The following ARFGAP1 variants were observed in gnomAD, a reference collection of about 807,000 sequenced individuals.
ARFGAP1 encodes the protein ARF GTPase activating protein 1.
A neutral mutation model predicts 54.0 loss-of-function variants in ARFGAP1; 26 were observed. The ratio of observed to expected loss-of-function variants is 0.48; its 90% CI spans 0.35 to 0.67. ARFGAP1 has a LOEUF of 0.67. ARFGAP1 is among the 30% of genes least tolerant of loss of function. The pLI, the probability that ARFGAP1 is intolerant of heterozygous loss-of-function variation, is 0.00. For missense variants in ARFGAP1, 525 were observed against 535.8 expected, an observed-to-expected ratio of 0.98 and a Z score of 0.20; for synonymous variants, 248 against 211.9, an observed-to-expected ratio of 1.17 and a Z score of -1.48.
chr20:63,284,478 G>A (rs1013959410), intron 9 of ARFGAP1: 3 of 1,107,702 alleles, frequency 2.7e-6, no homozygotes, highest in East Asian at 6.5e-5. Context: ...GGGGGGACTC[G>A]GTGCCTGCCT....
intron 5 of ARFGAP1, 24 bp from the exon 6 acceptor site, chr20:63,278,093 C>T (rs775990554): frequency 3.7e-6 from 6 of 1,612,364 alleles, no homozygotes; most frequent in Non-Finnish European, 5.1e-6. Context: ...TTTGGCCTTA[C>T]CAGCCTTCGA....
intron 12 of ARFGAP1, among the ~76,000 whole-genome samples, chr20:63,287,281 T>A (rs2067583305): frequency 6.6e-6 from 1 of 152,242 alleles, no homozygotes. Flanking sequence ...AAACCACTGT[T>A]TTATTGCAGC....
chr20:63,285,346 C>T (rs907210582), intron 10 of ARFGAP1: 10 of 515,030 alleles, frequency 1.9e-5, no homozygotes, highest in South Asian at 8.9e-5. Flanking sequence ...CTGCCTCCTT[C>T]GGGGCCTGAC....
chr20:63,285,967 C>G, intron 11 of ARFGAP1: 1 of 1,509,518 alleles, frequency 6.6e-7, no homozygotes, highest in South Asian at 1.3e-5. Context: ...TGGCCTTTTC[C>G]TCGGTAAGTA....
At position 63,287,903 on chromosome 20, in the gene ARFGAP1, C is replaced by G; in HGVS notation, c.*30C>G. 8.1e-6 allele frequency: 12 copies of G among 1,476,082 alleles called. No homozygotes were observed. The highest frequency in any genetic ancestry group is 1.1e-5 in the Non-Finnish European group (12 of 1,113,396). 91.4% of individuals were successfully genotyped at this position (1,476,082 alleles called of 1,614,324 possible). A position where few individuals can be genotyped will look rare whatever the true frequency, so the allele number is the denominator to read the frequency against. ...CACTGCGCCCCCGTCCCCAGCGCCC[C>G]CGGGCGACTTCGTGTTTGCACTCTG... On this transcript the variant is annotated 3_prime_UTR_variant, in exon 13 of 13. Coordinates refer to ENST00000370283, the MANE Select transcript of ARFGAP1 (RefSeq NM_018209.4).
chr20:63,278,783 G>T, intron 6 of ARFGAP1, 116 bp from the exon 7 acceptor site: 1 of 868,322 alleles, frequency 1.2e-6, no homozygotes, highest in East Asian at 2.5e-5. Context: ...TCCTGTGCGT[G>T]GGGACGTTGG....
intron 9 of ARFGAP1, chr20:63,284,469 G>T: frequency 1.8e-6 from 2 of 1,110,396 alleles, no homozygotes; most frequent in South Asian, 5.1e-5. Context: ...TTCCCTCCAG[G>T]GGGGACTCGG....
rs1323028217 is a variant in ARFGAP1 at position 63,276,997 on chromosome 20, C to G, written c.343-208C>G. 2.0e-5 allele frequency among the ~76,000 whole-genome samples: 3 copies of G among 152,168 alleles called. No individual in the cohort carries two copies. Among genetic ancestry groups the G allele is most frequent in the Non-Finnish European group, 4.4e-5 (3 of 68,028 alleles). ...TGGAGCTGCACCAACTAGGAGCTCC[C>G]CAGCACTGTTGTTCATTGTAAAGTG... is the stretch of plus-strand genomic sequence containing the variant. On this transcript the variant is annotated intron_variant, in intron 4 of 12. Coordinates refer to ENST00000370283, the MANE Select transcript of ARFGAP1 (RefSeq NM_018209.4). The surrounding 1 kb of genome is among the most constrained non-coding windows in gnomAD (Gnocchi z 5.2).
intron 9 of ARFGAP1, chr20:63,283,910 C>T (rs2067453375): frequency 6.2e-7 from 1 of 1,612,168 alleles, no homozygotes; most frequent in Non-Finnish European, 8.5e-7. Flanking sequence ...GTGCATGCCG[C>T]CCGCATCTCC....
chr20:63,286,547 G>A, intron 12 of ARFGAP1, 105 bp downstream of exon 12: 1 of 1,174,412 alleles, frequency 8.5e-7, no homozygotes, highest in South Asian at 1.4e-5. Context: ...GGGAGGGAAG[G>A]GGCACTGTGG....
Position 63,275,578 on chromosome 20 carries a change from A to G in ARFGAP1, c.-3A>G, listed in dbSNP as rs777118358. 15 of 1,613,748 alleles carry G rather than the reference A, an allele frequency of 9.3e-6. No homozygotes were observed. In the African/African-American group the frequency reaches 1.2e-4, roughly 13 times the overall value. ...AGTGTTTATTTTTCTCCTTTGCAGC[A>G]TCATGGCCAGCCCAAGAACCAGGAA... On this transcript the variant is annotated splice_region_variant and 5_prime_UTR_variant, in exon 2 of 13. Transcript: ENST00000370283.
intron 9 of ARFGAP1, chr20:63,283,641 G>C (rs2067444466): frequency 4.1e-6 from 2 of 488,560 alleles, no homozygotes; most frequent in South Asian, 7.2e-5. Flanking sequence ...GGCCTCCCAG[G>C]GTCCTGAGGT....
chr20:63,282,862 A>T lies in ARFGAP1; in HGVS notation c.717+11A>T, dbSNP rs1487768889. The T allele has an allele frequency of 2.5e-6, 4 of 1,613,846 alleles. No individual in the cohort carries two copies. The highest frequency in any genetic ancestry group is 3.4e-6 in the Non-Finnish European group (4 of 1,179,950). The stretch of plus-strand genomic sequence containing the variant: ...CAAGCGAGTCAGAAGGTAACAGAGG[A>T]GAAGCTTCTGCACCCTGGTGCATCT... On this transcript the variant is annotated intron_variant, in intron 9 of 12. Coordinates refer to ENST00000370283, the MANE Select transcript of ARFGAP1 (RefSeq NM_018209.4).
chr20:63,274,915 C>T (rs1039725820), intron 1 of ARFGAP1, among the ~76,000 whole-genome samples: 1 of 152,188 alleles, frequency 6.6e-6, no homozygotes, highest in Non-Finnish European at 1.5e-5. Flanking sequence ...GTAGGGTCCC[C>T]GTGAGTCACT....
In ARFGAP1 at chr20:63,285,733, C is replaced by G. The variant is rs199547030; in HGVS notation, c.834+20C>G. On this transcript the variant is annotated intron_variant, in intron 11 of 12. Coordinates refer to ENST00000370283, the MANE Select transcript of ARFGAP1 (RefSeq NM_018209.4). ...TCCAAGGTAGGGAGCCTGCCAGATA[C>G]GCGGGCACAGTCGAAGCCAGTCTCC... is the stretch of plus-strand genomic sequence containing the variant. The G allele has an allele frequency of 1.2e-6, 2 of 1,611,580 alleles. No individual in the cohort carries two copies. Among genetic ancestry groups the G allele is most frequent in the Non-Finnish European group, 1.7e-6 (2 of 1,178,296 alleles).
intron 6 of ARFGAP1, 125 bp downstream of exon 6, chr20:63,278,328 G>T: frequency 1.0e-6 from 1 of 963,434 alleles, no homozygotes; most frequent in Non-Finnish European, 1.6e-6. Context: ...CATGCGCGGT[G>T]CAGGGTCTGA....
Position 63,288,018 on chromosome 20 carries a change from C to A in ARFGAP1, c.*145C>A. 2.0e-6 allele frequency: 2 copies of A among 1,008,474 alleles called. No individual in the cohort carries two copies. Among genetic ancestry groups the A allele is most frequent in the Non-Finnish European group, 2.8e-6 (2 of 709,806 alleles). The allele number at this position is 1,008,474 out of a possible 1,614,324, so 62.5% of individuals were successfully genotyped here. On this transcript the variant is annotated 3_prime_UTR_variant, in exon 13 of 13. Coordinates refer to ENST00000370283, the MANE Select transcript of ARFGAP1 (RefSeq NM_018209.4). ...CTCGGGAGGCAGGACCCTAGGGAGA[C>A]CCGGGTGTGCGCCGCCTGCGCGTGG...
intron 6 of ARFGAP1, 30 bp downstream of exon 6, chr20:63,278,233 C>G (rs377480144): frequency 6.2e-7 from 1 of 1,607,530 alleles, no homozygotes; most frequent in Non-Finnish European, 8.5e-7. Context: ...GGACGCCTGG[C>G]GTGGGCCAGG....
At chr20:63,284,430 C>T in intron 9 of ARFGAP1, 1 of 1,081,846 alleles carries the variant, frequency 9.2e-7, no homozygotes, top group Non-Finnish European at 1.1e-6. Flanking sequence ...TCAGCAGCTT[C>T]TTCCTATGGC....
Sources: allele counts gnomAD v4.1 joint callset (sites outside exome capture counted in the v4.1 genomes callset), GRCh38; gene constraint gnomAD v4.1.1; non-coding constraint Gnocchi (gnomAD v3.1); transcripts MANE v1.5; gene names NCBI Gene and HGNC (gene_info 2026-07-23, HGNC 2026-07-21).